ITGAE: variants seen among roughly 807,000 people sequenced by gnomAD.
The protein encoded by ITGAE is integrin subunit alpha E, also known as integrin alpha-E.
ITGAE carries 99 observed loss-of-function variants against 136.5 expected under a neutral mutation model. The observed-to-expected ratio is 0.73, with a 90% CI of 0.62 to 0.86. The LOEUF is 0.86. ITGAE is among the 40% of genes least tolerant of loss of function. The pLI is 0.00. For missense variants in ITGAE, 1,447 were observed against 1,515.3 expected (o/e 0.95, Z 0.75); for synonymous variants, 613 against 591.8 (o/e 1.04, Z -0.52).
chr17:3,796,524 C>T (rs1030228687), intron 1 of ITGAE, among the ~76,000 whole-genome samples: 34 of 152,238 alleles, frequency 2.2e-4, no homozygotes, highest in Middle Eastern at 3.4e-3. Flanking sequence ...CCAGGTCTGA[C>T]GCAGGAGGCT....
At chr17:3,794,852 T>C (rs1460808397) in intron 1 of ITGAE, among the ~76,000 whole-genome samples, 1 of 152,186 alleles carries the variant, frequency 6.6e-6, no homozygotes, top group Non-Finnish European at 1.5e-5. Flanking sequence ...CCCGTTTCAC[T>C]GTCGGTATAA....
intron 20 of ITGAE, among the ~76,000 whole-genome samples, chr17:3,735,509 C>T (rs1030008565): frequency 3.3e-5 from 5 of 152,084 alleles, no homozygotes; most frequent in Non-Finnish European, 5.9e-5. Flanking sequence ...GACAGGGTCT[C>T]GCCATGTGGA....
At chr17:3,769,830 CA>C (rs1567546863) in intron 2 of ITGAE, among the ~76,000 whole-genome samples, 1 of 151,958 alleles carries the variant, frequency 6.6e-6, no homozygotes, top group Non-Finnish European at 1.5e-5. Flanking sequence ...GCTGGGATTA[CA>C]GGCATGTGCC....
intron 20 of ITGAE, among the ~76,000 whole-genome samples, chr17:3,737,718 A>G (rs1042169831): frequency 1.3e-5 from 2 of 152,188 alleles, no homozygotes; most frequent in African/African-American, 4.8e-5. Context: ...TTATGTATGC[A>G]CATGTGATCT....
At chr17:3,746,407 C>T (rs1467698579) in intron 17 of ITGAE, among the ~76,000 whole-genome samples, 1 of 151,976 alleles carries the variant, frequency 6.6e-6, no homozygotes, top group Non-Finnish European at 1.5e-5. Flanking sequence ...GCCCATCGAG[C>T]TCTGTGTCCT....
At chr17:3,721,518 T>C (rs1401237881) in intron 28 of ITGAE, 1 of 152,038 alleles carries the variant, frequency 6.6e-6, no homozygotes, top group Non-Finnish European at 1.5e-5. Context: ...CCTCAAGCAA[T>C]CCTCCCGCCT....
At chr17:3,733,729 C>T (rs991073535) in intron 21 of ITGAE, among the ~76,000 whole-genome samples, 1 of 152,216 alleles carries the variant, frequency 6.6e-6, no homozygotes, top group African/African-American at 2.4e-5. Flanking sequence ...CCAAAAACTA[C>T]ACTATTGTGT....
intron 12 of ITGAE, 120 bp downstream of exon 12, chr17:3,754,997 C>T (rs2051973395): frequency 7.6e-6 from 9 of 1,190,374 alleles, no homozygotes; most frequent in Non-Finnish European, 1.0e-5. Context: ...AGGCCCCACC[C>T]TCGCCCAGGT....
chr17:3,754,065 G>T, intron 12 of ITGAE, 140 bp from the exon 13 acceptor site: 1 of 960,550 alleles, frequency 1.0e-6, no homozygotes, highest in Non-Finnish European at 1.5e-6. Flanking sequence ...TTCTCACTAT[G>T]TTAAAAATCG....
intron 19 of ITGAE, among the ~76,000 whole-genome samples, chr17:3,741,716 C>T (rs1001521071): frequency 6.6e-6 from 1 of 152,172 alleles, no homozygotes; most frequent in Non-Finnish European, 1.5e-5. Context: ...GACAAGTCCA[C>T]ATTAGGTGCC....
chr17:3,728,279 G>A, intron 24 of ITGAE, 111 bp from the exon 25 acceptor site: 2 of 822,652 alleles, frequency 2.4e-6, no homozygotes, highest in South Asian at 1.4e-5. Flanking sequence ...TCATGGCTCA[G>A]TGTAGCCTCA....
At chr17:3,787,980 C>A (rs1411111576) in intron 1 of ITGAE, among the ~76,000 whole-genome samples, 1 of 151,828 alleles carries the variant, frequency 6.6e-6, no homozygotes, top group Non-Finnish European at 1.5e-5. Flanking sequence ...TGAGCCACCA[C>A]ACCTGGTTTT....
At chr17:3,734,308 C>T (rs1341373744) in intron 21 of ITGAE, among the ~76,000 whole-genome samples, 2 of 152,088 alleles carry the variant, frequency 1.3e-5, no homozygotes, top group South Asian at 2.1e-4. Flanking sequence ...CTCCTGACCT[C>T]GTGATCCGCC....
chr17:3,724,297 G>C, intron 26 of ITGAE: 1 of 1,586,612 alleles, frequency 6.3e-7, no homozygotes, highest in Non-Finnish European at 8.5e-7. Flanking sequence ...CTGCGAGCTC[G>C]GCCCCCGCAG....
intron 1 of ITGAE, among the ~76,000 whole-genome samples, chr17:3,795,827 CTG>C (rs1292498026): frequency 4.3e-4 from 60 of 139,402 alleles, no homozygotes; most frequent in Middle Eastern, 4.3e-3. Context: ...GTGTGCATCC[CTG>C]TGTGTGCATG....
chr17:3,722,116 T>A, intron 28 of ITGAE, among the ~76,000 whole-genome samples: 1 of 150,204 alleles, frequency 6.7e-6, no homozygotes, highest in African/African-American at 2.5e-5. Context: ...GAGGCGGAGG[T>A]TGCAGTGAGC....
At chr17:3,720,145 A>T (rs1457416136) in intron 29 of ITGAE, among the ~76,000 whole-genome samples, 162 bp downstream of exon 29, 1 of 152,206 alleles carries the variant, frequency 6.6e-6, no homozygotes, top group Non-Finnish European at 1.5e-5. Flanking sequence ...TTATTTCATA[A>T]GAAGCTGACT....
chr17:3,800,988 C>A, intron 1 of ITGAE, 123 bp downstream of exon 1: 1 of 1,149,750 alleles, frequency 8.7e-7, no homozygotes, highest in Non-Finnish European at 1.3e-6. Flanking sequence ...GGAGCTGCCA[C>A]TCTCTAACCT....
intron 7 of ITGAE, among the ~76,000 whole-genome samples, chr17:3,759,835 A>G (rs545817980): frequency 6.6e-6 from 1 of 152,356 alleles, no homozygotes; most frequent in African/African-American, 2.4e-5. Flanking sequence ...ATAAGACATC[A>G]GCAAATGTGA....
Sources: allele counts gnomAD v4.1 joint callset (sites outside exome capture counted in the v4.1 genomes callset), GRCh38; gene constraint gnomAD v4.1.1; transcripts MANE v1.5; gene names NCBI Gene and HGNC (gene_info 2026-07-23, HGNC 2026-07-21).